TRAK1: variants seen among roughly 807,000 people sequenced by gnomAD.
TRAK1 encodes trafficking kinesin-binding protein 1.
In TRAK1, 33 loss-of-function variants were observed where a neutral mutation model predicts 92.1. The ratio of observed to expected loss-of-function variants is 0.36; its 90% CI spans 0.27 to 0.48. The LOEUF is 0.48. TRAK1 is among the 20% of genes least tolerant of loss of function. TRAK1 has a pLI of 0.99. For synonymous variants in TRAK1, 521 were observed against 517.3 expected, an observed-to-expected ratio of 1.01 and a Z score of -0.10; for missense variants, 1,123 against 1,257.9, an observed-to-expected ratio of 0.89 and a Z score of 1.62.
chr3:42,163,975 TTAAGG>T (rs1226947687), intron 2 of TRAK1, among the ~76,000 whole-genome samples: 1 of 152,204 alleles, frequency 6.6e-6, no homozygotes, highest in Non-Finnish European at 1.5e-5. Flanking sequence ...AAACTCACTT[TTAAGG>T]TTTGCTCCTG....
chr3:42,223,317 A>G lies in TRAK1; in HGVS notation c.2442A>G (p.Pro814=). 2 of 1,614,234 alleles carry G rather than the reference A, an allele frequency of 1.2e-6. No individual in the cohort carries two copies. Among genetic ancestry groups the G allele is most frequent in the Non-Finnish European group, 1.7e-6 (2 of 1,180,038 alleles). The part of the protein sequence containing the change: ...PPYDNFLASK[P]ASSILREVRE... ...ACGACAATTTCCTGGCTTCCAAGCC[A>G]GCCAGCTCCATCCTGAGGGAAGTGA... The change falls in exon 16 of 16, where the codon CCA becomes CCG. Residue 814 remains proline (P), a synonymous_variant. Coordinates refer to ENST00000327628, the MANE Select transcript of TRAK1 (RefSeq NM_001042646.3). This position sits in a 1 kb window ranked among gnomAD's most constrained non-coding sequence, Gnocchi z 6.1.
intron 1 of TRAK1, among the ~76,000 whole-genome samples, chr3:42,116,603 T>C (rs561442469): frequency 2.0e-5 from 3 of 152,232 alleles, no homozygotes; most frequent in Admixed American, 6.5e-5. Flanking sequence ...AGTGGCTGAG[T>C]AGGTGAGGAG....
At position 42,062,374 on chromosome 3, in the gene TRAK1, C is replaced by A. The variant is rs116179445; in HGVS notation, c.-518-24730C>A. 7.3e-3 allele frequency among the ~76,000 whole-genome samples: 1,114 copies of A among 151,684 alleles called. 4 individuals carry two copies. The highest frequency in any genetic ancestry group is 0.02 in the African/African-American group (814 of 41,378). On this transcript the variant is annotated intron_variant, in intron 1 of 16. Transcript: ENST00000487159. ...TTTTTTTTCCTACTAGGGCCAATTT[C>A]AAAAAAAATCAAGTTTGCATTCACA...
At chr3:42,093,779 T>C (rs1483539026) in intron 1 of TRAK1, among the ~76,000 whole-genome samples, 3 of 145,580 alleles carry the variant, frequency 2.1e-5, no homozygotes, top group Non-Finnish European at 1.5e-5. Flanking sequence ...CTTGGCTCAC[T>C]ACAACCTCCA....
intron 2 of TRAK1, among the ~76,000 whole-genome samples, chr3:42,176,104 G>T (rs1703177011): frequency 6.6e-6 from 1 of 152,106 alleles, no homozygotes; most frequent in Non-Finnish European, 1.5e-5. Context: ...AACGGAAGAA[G>T]AACAAAGACC....
intron 15 of TRAK1, among the ~76,000 whole-genome samples, chr3:42,220,863 G>A (rs1438526839): frequency 6.6e-6 from 1 of 152,178 alleles, no homozygotes; most frequent in Non-Finnish European, 1.5e-5. Flanking sequence ...TGCCCCTGGA[G>A]AACTTGGCTT....
At chr3:42,168,510 C>T (rs553162711) in intron 2 of TRAK1, among the ~76,000 whole-genome samples, 3 of 152,278 alleles carry the variant, frequency 2.0e-5, no homozygotes, top group Admixed American at 1.3e-4. Flanking sequence ...TTTGCATTCC[C>T]CCAGCAAAGA....
Position 42,202,415 on chromosome 3 carries a change from C to T in TRAK1, c.1428-21C>T. On this transcript the variant is annotated intron_variant, in intron 12 of 15. Coordinates refer to ENST00000327628, the MANE Select transcript of TRAK1 (RefSeq NM_001042646.3). This position sits in a 1 kb window ranked among gnomAD's most constrained non-coding sequence, Gnocchi z 6.1. ...TGGAGCCCTGCTGGCATTCCACCCT[C>T]ACACCCCTTTCTTCTTCCAGAAACG... 1 of 1,471,820 alleles carries T rather than the reference C, an allele frequency of 6.8e-7. No homozygotes were observed. The highest frequency in any genetic ancestry group is 9.0e-7 in the Non-Finnish European group (1 of 1,107,966). 91.2% of individuals were successfully genotyped at this position (1,471,820 alleles called of 1,614,324 possible). A position where few individuals can be genotyped will look rare whatever the true frequency, so the allele number is the denominator to read the frequency against.
chr3:42,039,015 A>G (rs889548242), intron 1 of TRAK1, among the ~76,000 whole-genome samples: 3 of 151,896 alleles, frequency 2.0e-5, no homozygotes, highest in African/African-American at 7.3e-5. Context: ...TGTGATCACA[A>G]TATTATTTTA....
Position 42,200,426 on chromosome 3 carries a change from G to A in TRAK1, c.1191-392G>A, listed in dbSNP as rs527427040. Reference sequence around the variant, plus strand: ...ACAAGTATTGATTGATTTCTGCTGCGCTGAGCAGTAAACACTGCCCTGCTG... The same window carrying A: ...ACAAGTATTGATTGATTTCTGCTGCACTGAGCAGTAAACACTGCCCTGCTG... On this transcript the variant is annotated intron_variant, in intron 11 of 15. Coordinates refer to ENST00000327628, the MANE Select transcript of TRAK1 (RefSeq NM_001042646.3). 7.2e-5 allele frequency among the ~76,000 whole-genome samples: 11 copies of A among 152,212 alleles called. No individual in the cohort carries two copies. The East Asian group carries it at 7.7e-4, about 11-fold the overall frequency.
intron 2 of TRAK1, among the ~76,000 whole-genome samples, chr3:42,161,698 C>A (rs530780398): frequency 6.2e-4 from 94 of 152,310 alleles, no homozygotes; most frequent in Non-Finnish European, 1.1e-3. Flanking sequence ...ACTTCCCCTC[C>A]AGGACAGCTG....
chr3:42,107,886 C>A (rs1022396365), intron 1 of TRAK1, among the ~76,000 whole-genome samples: 1 of 151,400 alleles, frequency 6.6e-6, no homozygotes. Flanking sequence ...GGGTTCCATG[C>A]TCTTCCTGTC....
At chr3:42,140,543 C>T (rs1164833471) in intron 2 of TRAK1, among the ~76,000 whole-genome samples, 1 of 152,194 alleles carries the variant, frequency 6.6e-6, no homozygotes, top group African/African-American at 2.4e-5. Flanking sequence ...AGGAGAATTG[C>T]TTGAACCCGG....
chr3:42,048,284 A>G (rs1380003786), intron 1 of TRAK1, among the ~76,000 whole-genome samples: 1 of 152,072 alleles, frequency 6.6e-6, no homozygotes, highest in African/African-American at 2.4e-5. Context: ...GTGCATACTC[A>G]CAGTGCACAA....
chr3:42,083,591 C>T (rs1576271209), upstream of TRAK1, among the ~76,000 whole-genome samples: 1 of 152,182 alleles, frequency 6.6e-6, no homozygotes, highest in East Asian at 1.9e-4. Flanking sequence ...TTCTGAGGAA[C>T]TGGCTGGGTG....
chr3:42,207,265 A>G (rs1253795796), intron 13 of TRAK1, among the ~76,000 whole-genome samples: 1 of 152,168 alleles, frequency 6.6e-6, no homozygotes, highest in Non-Finnish European at 1.5e-5. Context: ...GCCAGTGAGC[A>G]TTTGTACTGG....
At chr3:42,061,350 C>T (rs950636167) in intron 1 of TRAK1, among the ~76,000 whole-genome samples, 9 of 139,312 alleles carry the variant, frequency 6.5e-5, no homozygotes, top group Middle Eastern at 3.8e-3. Context: ...CACCCCCCCA[C>T]GCACACCCAC....
At chr3:42,099,318 C>T (rs758090734) in intron 1 of TRAK1, among the ~76,000 whole-genome samples, 5 of 151,866 alleles carry the variant, frequency 3.3e-5, no homozygotes, top group Non-Finnish European at 7.4e-5. Flanking sequence ...GAGTCTCAAG[C>T]GAGCAAGGAT....
intron 1 of TRAK1, among the ~76,000 whole-genome samples, chr3:42,115,830 C>G (rs1474947754): frequency 6.6e-6 from 1 of 152,154 alleles, no homozygotes; most frequent in East Asian, 1.9e-4. Flanking sequence ...CCCTTTGTGG[C>G]TGGGGTGTGA....
Sources: allele counts gnomAD v4.1 joint callset (sites outside exome capture counted in the v4.1 genomes callset), GRCh38; gene constraint gnomAD v4.1.1; non-coding constraint Gnocchi (gnomAD v3.1); transcripts MANE v1.5; gene names NCBI Gene and HGNC (gene_info 2026-07-23, HGNC 2026-07-21).